Variants in PLEKHO1 observed in about 807,000 individuals in gnomAD.
PLEKHO1 encodes pleckstrin homology domain containing O1.
Under a neutral mutation model 41.4 loss-of-function variants are expected in PLEKHO1, and 22 were observed. That is an observed-to-expected ratio of 0.53 (90% CI 0.38 to 0.76). The LOEUF is 0.76. PLEKHO1 is among the 30% of genes least tolerant of loss of function. The pLI is 0.00. For missense variants in PLEKHO1, 488 were observed against 518.3 expected, an observed-to-expected ratio of 0.94 and a Z score of 0.57; for synonymous variants, 225 against 210.8, an observed-to-expected ratio of 1.07 and a Z score of -0.58.
chr1:150,150,418 G>A, intron 1 of PLEKHO1, 131 bp downstream of exon 1: 2 of 291,516 alleles, frequency 6.9e-6, no homozygotes, highest in Non-Finnish European at 1.0e-5. Context: ...CGGTCCCCTC[G>A]GCCTCGGCCC....
rs1172921146 is a variant in PLEKHO1, at chr1:150,156,049, C to T, written c.178-17C>T. On this transcript the variant is annotated splice_polypyrimidine_tract_variant and intron_variant, in intron 2 of 5. Transcript: ENST00000369124. ...AAATAATTTTATCCTCCTCACCTCA[C>T]CCCAACCCTCCCCTAGGTAAAAGAT... 8 of 1,609,936 alleles carry T rather than the reference C, an allele frequency of 5.0e-6. No individual in the cohort carries two copies. Among genetic ancestry groups the T allele is most frequent in the Middle Eastern group, 1.6e-4 (1 of 6,066 alleles).
chr1:150,157,215 G>C, intron 4 of PLEKHO1, 170 bp from the exon 5 acceptor site: 1 of 709,520 alleles, frequency 1.4e-6, no homozygotes, highest in South Asian at 1.5e-5. Flanking sequence ...CCCGCTTCAT[G>C]ATGGGGGAGC....
chr1:150,150,907 G>A lies in PLEKHO1; in HGVS notation c.31-5G>A, dbSNP rs782448763. On this transcript the variant is annotated splice_polypyrimidine_tract_variant and splice_region_variant and intron_variant, in intron 1 of 5. Transcript: ENST00000369124. The stretch of plus-strand genomic sequence containing the variant: ...CCGCCCGCTTCTCATCTTGTCCTGG[G>A]GCAGGGACCTCAGGATGGAAACCAG... 4 of 1,613,672 alleles carry A rather than the reference G, an allele frequency of 2.5e-6. No individual in the cohort carries two copies. Among genetic ancestry groups the A allele is most frequent in the African/African-American group, 2.7e-5 (2 of 75,064 alleles).
chr1:150,158,245 A>G lies in PLEKHO1; in HGVS notation c.526-574A>G, dbSNP rs146116025. ...AGTTTAATTGCTGAGAGTCCACAATACCAAGGAAGAGGGCGCCCCTCAGGA... is the reference window on the plus strand; with the variant it reads ...AGTTTAATTGCTGAGAGTCCACAATGCCAAGGAAGAGGGCGCCCCTCAGGA... On this transcript the variant is annotated intron_variant, in intron 5 of 5. Transcript: ENST00000369124. Among the ~76,000 whole-genome samples, 851 of 152,306 alleles carry G rather than the reference A, an allele frequency of 5.6e-3. 3 individuals are homozygous for G. Among genetic ancestry groups the G allele is most frequent in the African/African-American group, 0.02 (813 of 41,560 alleles).
Position 150,159,058 on chromosome 1 carries a change from C to G in PLEKHO1, c.765C>G (p.Pro255=). ...CAGACAAAGGGGCCACCTACACCCCCCAGGCACCCAAGAAGTTGACGCCCA... is the reference window on the plus strand; with the variant it reads ...CAGACAAAGGGGCCACCTACACCCCGCAGGCACCCAAGAAGTTGACGCCCA... ...EKTDKGATYT[P]QAPKKLTPTE... is the part of the protein sequence containing the mutation. The change falls in exon 6 of 6, where the codon CCC becomes CCG. Residue 255 remains proline (P), a synonymous_variant. Transcript: ENST00000369124. 6.2e-7 allele frequency: 1 copy of G among 1,614,122 alleles called. No individual in the cohort carries two copies. Among genetic ancestry groups the G allele is most frequent in the South Asian group, 1.1e-5 (1 of 91,084 alleles).
At chr1:150,151,947 A>T (rs761717893) in intron 2 of PLEKHO1, among the ~76,000 whole-genome samples, 1 of 152,158 alleles carries the variant, frequency 6.6e-6, no homozygotes, top group African/African-American at 2.4e-5. Context: ...GTCCAAAGGC[A>T]GTCAGTATAG....
chr1:150,156,908 C>A lies in PLEKHO1; in HGVS notation c.319-3C>A. 1 of 1,601,252 alleles carries A rather than the reference C, an allele frequency of 6.2e-7. No individual in the cohort carries two copies. The highest frequency in any genetic ancestry group is 8.6e-7 in the Non-Finnish European group (1 of 1,168,358). ...GGCTGAAACAGGAATCTTCCCCTCA[C>A]AGGCACCCAACCTGATCTTCCTGGC... On this transcript the variant is annotated splice_polypyrimidine_tract_variant and splice_region_variant and intron_variant, in intron 3 of 5. Transcript: ENST00000369124.
chr1:150,158,444 G>A (rs1009997214), intron 5 of PLEKHO1, among the ~76,000 whole-genome samples: 32 of 152,148 alleles, frequency 2.1e-4, no homozygotes, highest in African/African-American at 7.5e-4. Context: ...CCAGTACTTT[G>A]GGAGGCTGAG....
At chr1:150,157,121 A>T in intron 4 of PLEKHO1, 106 bp downstream of exon 4, 1 of 768,236 alleles carries the variant, frequency 1.3e-6, no homozygotes, top group South Asian at 1.4e-5. Flanking sequence ...TCGCTCCTCC[A>T]CCAGCTCTAC....
In PLEKHO1 at chr1:150,150,068, A is replaced by C; in HGVS notation, c.-190A>C. ...GTGTGTGCGAGTGCGAATGCGAGGGAGGCCGGCCTTGAGTGAAACCGGAGC... is the reference window on the plus strand; with the variant it reads ...GTGTGTGCGAGTGCGAATGCGAGGGCGGCCGGCCTTGAGTGAAACCGGAGC... On this transcript the variant is annotated 5_prime_UTR_variant, in exon 1 of 6. Transcript: ENST00000369124. The C allele has an allele frequency of 1.3e-5, 2 of 159,906 alleles. No individual in the cohort carries two copies. The highest frequency in any genetic ancestry group is 1.3e-5 in the Non-Finnish European group (1 of 75,156). 9.9% of individuals were successfully genotyped at this position (159,906 alleles called of 1,614,324 possible).
intron 2 of PLEKHO1, 24 bp from the exon 3 acceptor site, chr1:150,156,042 C>T (rs1553820323): frequency 6.2e-7 from 1 of 1,606,218 alleles, no homozygotes; most frequent in Middle Eastern, 1.7e-4. Context: ...TTATCCTCCT[C>T]ACCTCACCCC....
In PLEKHO1 at chr1:150,151,041, T is replaced by G. The variant is rs1553818823; in HGVS notation, c.160T>G (p.Tyr54Asp). Reference protein sequence around the residue: ...RYVVLKGDQLYISEKEVKDEK... With the variant: ...RYVVLKGDQLDISEKEVKDEK... Reference sequence around the variant, plus strand: ...TGTGGTGCTGAAAGGGGACCAGCTCTACATCTCTGAGAAGGAGGTGGGTGC... The same window carrying G: ...TGTGGTGCTGAAAGGGGACCAGCTCGACATCTCTGAGAAGGAGGTGGGTGC... The change falls in exon 2 of 6, where the codon TAC becomes GAC. Residue 54 changes from tyrosine (Y) to aspartate (D), a missense_variant. Transcript: ENST00000369124. 1 of 1,614,162 alleles carries G rather than the reference T, an allele frequency of 6.2e-7. No homozygotes were observed. The highest frequency in any genetic ancestry group is 1.7e-5 in the Admixed American group (1 of 60,028).
Position 150,151,068 on chromosome 1 carries a change from T to C in PLEKHO1, c.177+10T>C, listed in dbSNP as rs782360361. The C allele has an allele frequency of 2.5e-6, 4 of 1,613,748 alleles. No individual in the cohort carries two copies. The highest frequency in any genetic ancestry group is 3.4e-6 in the Non-Finnish European group (4 of 1,179,740). ...CATCTCTGAGAAGGAGGTGGGTGCC[T>C]CTTGCCTCTAACTCTCCGTTTTCTC... On this transcript the variant is annotated intron_variant, in intron 2 of 5. Transcript: ENST00000369124.
At chr1:150,156,263 G>C (rs2101689445) in intron 3 of PLEKHO1, 57 bp downstream of exon 3, 1 of 1,447,558 alleles carries the variant, frequency 6.9e-7, no homozygotes, top group Non-Finnish European at 9.6e-7. Context: ...GAGGGGGCAG[G>C]GGAGAACTCC....
At chr1:150,158,705 T>G (rs587747700) in intron 5 of PLEKHO1, 114 bp from the exon 6 acceptor site, 3 of 755,526 alleles carry the variant, frequency 4.0e-6, no homozygotes, top group Middle Eastern at 2.6e-4. Context: ...AAAGTACTTC[T>G]CATTCAAGGA....
chr1:150,152,714 A>AAC (rs1553819400), intron 2 of PLEKHO1: 1 of 150,922 alleles, frequency 6.6e-6, no homozygotes, highest in Non-Finnish European at 1.5e-5. Flanking sequence ...AAAAAAAAAC[A>AAC]AGTGTCAAAG....
Position 150,159,161 on chromosome 1 carries a change from C to T in PLEKHO1, c.868C>T (p.Arg290Trp), listed in dbSNP as rs1256664772. ...TGCCTCTGCCCGCACCCTCCAGCTG[C>T]GGGCTGAGGAACCCCCAACCCCTGC... ...DAASARTLQL[R>W]AEEPPTPALP... The change falls in exon 6 of 6, where the codon CGG (arginine) becomes TGG (tryptophan). Residue 290 changes from arginine (R) to tryptophan (W), a missense_variant. By Grantham distance (101) the Arg-to-Trp change is moderately radical (BLOSUM62 -3). Coordinates refer to ENST00000369124, the MANE Select transcript of PLEKHO1 (RefSeq NM_016274.6). 3.7e-6 allele frequency: 6 copies of T among 1,610,832 alleles called. No individual in the cohort carries two copies. The highest frequency in any genetic ancestry group is 1.3e-5 in the African/African-American group (1 of 74,652).
rs1380246702 is a variant in PLEKHO1 at position 150,156,788 on chromosome 1, A to G, written c.319-123A>G. The stretch of plus-strand genomic sequence containing the variant: ...TTAAGTTATGGATGACTCTGGAAGC[A>G]GAATATCTCTCCTTCCTGGAGCTAG... On this transcript the variant is annotated intron_variant, in intron 3 of 5. Coordinates refer to ENST00000369124, the MANE Select transcript of PLEKHO1 (RefSeq NM_016274.6). 9 of 683,698 alleles carry G rather than the reference A, an allele frequency of 1.3e-5. No homozygotes were observed. In the Admixed American group the frequency reaches 1.9e-4, roughly 14 times the overall value. 42.4% of individuals were successfully genotyped at this position (683,698 alleles called of 1,614,324 possible). A position where few individuals can be genotyped will look rare whatever the true frequency, so the allele number is the denominator to read the frequency against.
At chr1:150,157,842 A>C (rs587598872) in intron 5 of PLEKHO1, among the ~76,000 whole-genome samples, 1 of 152,358 alleles carries the variant, frequency 6.6e-6, no homozygotes, top group South Asian at 2.1e-4. Context: ...CTCCTGAAAC[A>C]TACAACGTGC....
Sources: gnomAD v4.1 joint callset for allele counts (sites outside exome capture counted in the v4.1 genomes callset) on GRCh38, gnomAD v4.1.1 for gene constraint, MANE v1.5 for transcripts, NCBI Gene and HGNC (gene_info 2026-07-23, HGNC 2026-07-21) for gene names.